SCFD2: variants seen among roughly 807,000 people sequenced by gnomAD.
SCFD2 encodes the protein sec1 family domain-containing protein 2.
A neutral mutation model predicts 58.9 loss-of-function variants in SCFD2; 54 were observed. The observed-to-expected ratio is 0.92, with a 90% CI of 0.74 to 1.15. The LOEUF is 1.15. Among genes scored for constraint, SCFD2 ranks in the 50% most tolerant of loss-of-function variants. The probability of loss-of-function intolerance (pLI) is 0.00; values close to 1 mark genes in which losing one functional copy is unlikely to be tolerated. For missense variants in SCFD2, 805 were observed against 836.6 expected (o/e 0.96, Z 0.47); for synonymous variants, 321 against 335.9 (o/e 0.96, Z 0.49).
At chr4:53,133,558 T>G (rs1725855346) in intron 5 of SCFD2, among the ~76,000 whole-genome samples, 1 of 152,198 alleles carries the variant, frequency 6.6e-6, no homozygotes, top group Admixed American at 6.5e-5. Flanking sequence ...TAATTTTATA[T>G]GGTCTACATT....
intron 4 of SCFD2, among the ~76,000 whole-genome samples, chr4:53,167,710 T>C (rs1215801342): frequency 6.6e-6 from 1 of 151,764 alleles, no homozygotes; most frequent in Non-Finnish European, 1.5e-5. Flanking sequence ...CAATGACAAA[T>C]GCTAAACTTT....
chr4:53,033,183 T>C (rs1722663999), intron 5 of SCFD2, among the ~76,000 whole-genome samples: 1 of 152,104 alleles, frequency 6.6e-6, no homozygotes, highest in African/African-American at 2.4e-5. Context: ...ACTGCCTAAC[T>C]ACATGGAAAC....
At chr4:53,031,966 C>G (rs1722626017) in intron 5 of SCFD2, among the ~76,000 whole-genome samples, 1 of 152,128 alleles carries the variant, frequency 6.6e-6, no homozygotes, top group Admixed American at 6.5e-5. Flanking sequence ...TAGAGAAGAG[C>G]AACTCCAAGA....
chr4:53,164,685 A>G (rs1295904685), intron 4 of SCFD2, among the ~76,000 whole-genome samples: 1 of 151,386 alleles, frequency 6.6e-6, no homozygotes, highest in African/African-American at 2.4e-5. Context: ...CCGGCCACTC[A>G]GGAGGCTAAG....
intron 5 of SCFD2, among the ~76,000 whole-genome samples, chr4:53,141,232 G>A (rs1399404035): frequency 1.3e-5 from 2 of 152,070 alleles, no homozygotes; most frequent in Non-Finnish European, 2.9e-5. Flanking sequence ...AAACACTCAG[G>A]TATACTAATG....
At chr4:53,275,024 A>G (rs1731285047) in intron 3 of SCFD2, among the ~76,000 whole-genome samples, 1 of 152,250 alleles carries the variant, frequency 6.6e-6, no homozygotes, top group Non-Finnish European at 1.5e-5. Context: ...GTATTTGGCA[A>G]TGAAACCACC....
chr4:53,136,262 C>T (rs930349857), intron 5 of SCFD2, among the ~76,000 whole-genome samples: 37 of 152,164 alleles, frequency 2.4e-4, no homozygotes, highest in African/African-American at 8.9e-4. Flanking sequence ...AACCTTAGTC[C>T]TATCCCCTCA....
At chr4:53,199,486 T>C (rs1325500440) in intron 4 of SCFD2, among the ~76,000 whole-genome samples, 2 of 152,124 alleles carry the variant, frequency 1.3e-5, no homozygotes, top group Non-Finnish European at 2.9e-5. Context: ...AAGAGTATCA[T>C]TGTTTATTCA....
chr4:53,219,858 A>G (rs1293251406), intron 4 of SCFD2, among the ~76,000 whole-genome samples: 2 of 152,180 alleles, frequency 1.3e-5, no homozygotes, highest in African/African-American at 4.8e-5. Context: ...GACAATAATA[A>G]TAATGGTTAC....
intron 4 of SCFD2, among the ~76,000 whole-genome samples, chr4:53,258,538 GTA>G (rs59321045): frequency 0.016 from 1,871 of 119,694 alleles, 35 homozygotes; most frequent in Middle Eastern, 0.042. Flanking sequence ...TGGTGTGTGT[GTA>G]TATATATATA....
intron 5 of SCFD2, among the ~76,000 whole-genome samples, chr4:53,126,232 T>A (rs553744791): frequency 6.6e-6 from 1 of 152,344 alleles, no homozygotes; most frequent in South Asian, 2.1e-4. Context: ...TGTTCTTCCA[T>A]AATAATCGGT....
In SCFD2 at chr4:53,103,721, G is replaced by A. The variant is rs1309606674; in HGVS notation, c.1561+41612C>T. 2.4e-5 allele frequency among the ~76,000 whole-genome samples: 3 copies of A among 125,000 alleles called. No homozygotes were observed. In the East Asian group the frequency reaches 7.5e-4, roughly 31 times the overall value. The allele number at this position is 125,000 out of a possible 152,430, so 82.0% of individuals were successfully genotyped here. A position where few individuals can be genotyped will look rare whatever the true frequency, so the allele number is the denominator to read the frequency against. Reference sequence around the variant, plus strand: ...AATAGCTGATTCTAGGACAAAGGCAGGAAATATACATGAGTCTGGGTCTTG... The same window carrying A: ...AATAGCTGATTCTAGGACAAAGGCAAGAAATATACATGAGTCTGGGTCTTG... On this transcript the variant is annotated intron_variant, in intron 5 of 8. Transcript: ENST00000401642.
intron 5 of SCFD2, among the ~76,000 whole-genome samples, chr4:53,107,375 G>A (rs200275085): frequency 4.6e-5 from 7 of 152,078 alleles, no homozygotes; most frequent in Non-Finnish European, 1.0e-4. Context: ...CACACATAAC[G>A]ATATTAACCT....
At chr4:52,914,633 C>G (rs1412368396) in intron 6 of SCFD2, among the ~76,000 whole-genome samples, 1 of 152,130 alleles carries the variant, frequency 6.6e-6, no homozygotes, top group African/African-American at 2.4e-5. Context: ...TTGTTAGATA[C>G]AAACATACAG....
intron 5 of SCFD2, among the ~76,000 whole-genome samples, chr4:52,966,586 T>C (rs2109546619): frequency 6.6e-6 from 1 of 152,196 alleles, no homozygotes; most frequent in East Asian, 1.9e-4. Context: ...GTTCTTCCCA[T>C]CTTCTGCATC....
At chr4:53,153,426 C>T (rs1257713887) in intron 4 of SCFD2, among the ~76,000 whole-genome samples, 1 of 152,220 alleles carries the variant, frequency 6.6e-6, no homozygotes, top group Non-Finnish European at 1.5e-5. Context: ...CCCTTTGAGC[C>T]ACAGCTGGAG....
At chr4:53,203,193 T>C (rs190224108) in intron 4 of SCFD2, among the ~76,000 whole-genome samples, 196 of 152,300 alleles carry the variant, frequency 1.3e-3, no homozygotes, top group African/African-American at 4.4e-3. Flanking sequence ...TATTTTGAGA[T>C]ACATCCCATC....
At chr4:53,033,795 T>C (rs1364408219) in intron 5 of SCFD2, among the ~76,000 whole-genome samples, 1 of 152,094 alleles carries the variant, frequency 6.6e-6, no homozygotes, top group Non-Finnish European at 1.5e-5. Context: ...GAATAAAGCA[T>C]AACAAGTTCT....
At chr4:52,885,955 A>C in intron 7 of SCFD2, 89 bp from the exon 8 acceptor site, 24 of 1,521,760 alleles carry the variant, frequency 1.6e-5, no homozygotes, top group Non-Finnish European at 2.2e-5. Flanking sequence ...CCCTCTGTAG[A>C]AACCTCAGGA....
Sources: gnomAD v4.1 joint callset for allele counts (sites outside exome capture counted in the v4.1 genomes callset) on GRCh38, gnomAD v4.1.1 for gene constraint, MANE v1.5 for transcripts, NCBI Gene and HGNC (gene_info 2026-07-23, HGNC 2026-07-21) for gene names.